The following FRMPD2 variants were observed in gnomAD, a reference collection of about 807,000 sequenced individuals.
The protein encoded by FRMPD2 is FERM and PDZ domain-containing protein 2.
Under a neutral mutation model 140.1 loss-of-function variants are expected in FRMPD2, and 96 were observed. The observed-to-expected ratio is 0.69, with a 90% confidence interval of 0.58 to 0.81. The LOEUF is 0.81. FRMPD2 is among the 40% of genes least tolerant of loss of function. The pLI is 0.00. For missense variants in FRMPD2, 1,240 were observed against 1,447.4 expected (o/e 0.86, Z 2.32); for synonymous variants, 449 against 547.6 (o/e 0.82, Z 2.52).
chr10:48,237,951 A>G lies in FRMPD2; in HGVS notation c.921+40T>C, dbSNP rs200278063. On this transcript the variant is annotated intron_variant, in intron 8 of 28. Coordinates refer to ENST00000374201, the MANE Select transcript of FRMPD2 (RefSeq NM_001018071.4). Reference sequence around the variant, plus strand: ...CCAGCCACCCACAGCTCCCTGCTCAAGCCTCCTTGAGGAGTGTCCTTCAGC... The same window carrying G: ...CCAGCCACCCACAGCTCCCTGCTCAGGCCTCCTTGAGGAGTGTCCTTCAGC... 2.4e-5 allele frequency: 39 copies of G among 1,613,414 alleles called. 1 individual carries two copies. The African/African-American group carries it at 5.1e-4, about 21-fold the overall frequency.
chr10:48,241,017 A>G (rs1648368037), intron 5 of FRMPD2, among the ~76,000 whole-genome samples: 1 of 152,230 alleles, frequency 6.6e-6, no homozygotes, highest in Non-Finnish European at 1.5e-5. Context: ...CCTGACGGAA[A>G]TGTTGCAGGT....
At chr10:48,241,072 A>G (rs1166179140) in intron 5 of FRMPD2, among the ~76,000 whole-genome samples, 7 of 148,852 alleles carry the variant, frequency 4.7e-5, no homozygotes. Flanking sequence ...AGTGGATGGT[A>G]GACCTCAGTA....
At chr10:48,228,036 T>G (rs746676217) in intron 10 of FRMPD2, among the ~76,000 whole-genome samples, 1 of 152,036 alleles carries the variant, frequency 6.6e-6, no homozygotes, top group South Asian at 2.1e-4. Flanking sequence ...ACAGTAAAAA[T>G]AAATTGCTTG....
At chr10:48,260,276 T>A (rs1840562256) in intron 1 of FRMPD2, among the ~76,000 whole-genome samples, 1 of 152,100 alleles carries the variant, frequency 6.6e-6, no homozygotes, top group South Asian at 2.1e-4. Flanking sequence ...TTTTACAATC[T>A]GCTATCTACA....
chr10:48,242,392 G>C (rs1467201618), intron 4 of FRMPD2, 40 bp from the exon 5 acceptor site: 2 of 1,578,864 alleles, frequency 1.3e-6, no homozygotes, highest in Non-Finnish European at 1.7e-6. Context: ...AGAGCAGCCA[G>C]AGCTGCCACT....
intron 11 of FRMPD2, 105 bp downstream of exon 11, chr10:48,223,018 A>T: frequency 1.0e-6 from 1 of 991,238 alleles, no homozygotes. Flanking sequence ...TGTTATTTGT[A>T]TGTAATTTAC....
At chr10:48,217,373 A>G (rs1263872047) in intron 12 of FRMPD2, among the ~76,000 whole-genome samples, 1 of 152,182 alleles carries the variant, frequency 6.6e-6, no homozygotes, top group Non-Finnish European at 1.5e-5. Flanking sequence ...TGTGAACAAA[A>G]ACCCAGCAGG....
intron 13 of FRMPD2, among the ~76,000 whole-genome samples, chr10:48,207,867 G>A (rs1053992743): frequency 6.6e-6 from 1 of 152,052 alleles, no homozygotes; most frequent in Admixed American, 6.5e-5. Context: ...CAAAAACAGG[G>A]ACAAATTATG....
chr10:48,274,709 GCACTTGCTGCC>G (rs1323730763), upstream of FRMPD2: 1 of 733,994 alleles, frequency 1.4e-6, no homozygotes, highest in African/African-American at 1.8e-5. Flanking sequence ...TTGTCACTAA[GCACTTGCTGCC>G]CAGCGAGTGA....
intron 9 of FRMPD2, among the ~76,000 whole-genome samples, chr10:48,234,085 TG>T (rs1197796854): frequency 1.3e-5 from 2 of 152,200 alleles, no homozygotes; most frequent in Non-Finnish European, 2.9e-5. Context: ...ACTGATTGTC[TG>T]GGCTGGGACA....
chr10:48,257,253 AT>A (rs1285069350), intron 1 of FRMPD2, among the ~76,000 whole-genome samples: 1 of 137,634 alleles, frequency 7.3e-6, no homozygotes, highest in African/African-American at 2.7e-5. Flanking sequence ...TACGGTTTTT[AT>A]TTTTTTATTT....
intron 25 of FRMPD2, 65 bp downstream of exon 25, chr10:48,172,881 T>C (rs1455282296): frequency 1.8e-5 from 13 of 740,900 alleles, no homozygotes; most frequent in Non-Finnish European, 3.0e-5. Flanking sequence ...CCCTTTTGAC[T>C]TGACAATTCA....
chr10:48,194,679 G>C (rs796445500), intron 15 of FRMPD2, among the ~76,000 whole-genome samples: 5 of 152,258 alleles, frequency 3.3e-5, no homozygotes, highest in African/African-American at 1.2e-4. Context: ...AGCCTGAGGA[G>C]GAAGCTCAGT....
chr10:48,211,899 G>A, intron 13 of FRMPD2, 55 bp downstream of exon 13: 3 of 1,562,330 alleles, frequency 1.9e-6, no homozygotes, highest in Non-Finnish European at 8.7e-7. Flanking sequence ...GGAGGGGATT[G>A]CTGGCTGCAT....
At chr10:48,229,154 T>C (rs902939869) in intron 10 of FRMPD2, among the ~76,000 whole-genome samples, 2 of 152,110 alleles carry the variant, frequency 1.3e-5, no homozygotes, top group Admixed American at 6.5e-5. Flanking sequence ...GTAATTGGCC[T>C]AGAAAACAAA....
At chr10:48,199,741 CA>C (rs1338499397) in intron 15 of FRMPD2, 1 of 152,172 alleles carries the variant, frequency 6.6e-6, no homozygotes, top group Non-Finnish European at 1.5e-5. Flanking sequence ...GCCGTTATGG[CA>C]AGGACCATGG....
At chr10:48,245,052 A>C (rs1453944598) in intron 3 of FRMPD2, among the ~76,000 whole-genome samples, 1 of 152,024 alleles carries the variant, frequency 6.6e-6, no homozygotes, top group Admixed American at 6.6e-5. Context: ...AAACCATGAC[A>C]CTCAGTTTTG....
intron 1 of FRMPD2, among the ~76,000 whole-genome samples, chr10:48,262,241 G>A (rs1840604175): frequency 6.6e-6 from 1 of 152,046 alleles, no homozygotes; most frequent in Non-Finnish European, 1.5e-5. Flanking sequence ...GCACAAATAG[G>A]TTAAAAGTAA....
intron 15 of FRMPD2, among the ~76,000 whole-genome samples, chr10:48,194,150 C>A (rs1013811131): frequency 6.6e-6 from 1 of 152,178 alleles, no homozygotes; most frequent in African/African-American, 2.4e-5. Context: ...ATGTGCCAGG[C>A]GTGGTGGGAA....
Sources: gnomAD v4.1 joint callset for allele counts (sites outside exome capture counted in the v4.1 genomes callset) on GRCh38, gnomAD v4.1.1 for gene constraint, MANE v1.5 for transcripts, NCBI Gene and HGNC (gene_info 2026-07-23, HGNC 2026-07-21) for gene names.